The following NMNAT2 variants were observed in gnomAD, a reference collection of about 807,000 sequenced individuals.
NMNAT2 encodes nicotinamide nucleotide adenylyltransferase 2.
A neutral mutation model predicts 41.6 loss-of-function variants in NMNAT2; 11 were observed. The observed-to-expected ratio is 0.26, with a 90% CI of 0.17 to 0.44. The LOEUF is 0.44. Among genes scored for constraint, NMNAT2 ranks in the 20% least tolerant of loss-of-function variants. NMNAT2 has a pLI of 1.00. For synonymous variants in NMNAT2, 148 were observed against 151.2 expected, an observed-to-expected ratio of 0.98 and a Z score of 0.16; for missense variants, 288 against 407.7, an observed-to-expected ratio of 0.71 and a Z score of 2.53.
intron 1 of NMNAT2, among the ~76,000 whole-genome samples, chr1:183,324,011 G>C (rs1662409180): frequency 6.6e-6 from 1 of 152,198 alleles, no homozygotes; most frequent in African/African-American, 2.4e-5. Context: ...GGCCTGCTGG[G>C]GGATCACCAT....
intron 1 of NMNAT2, among the ~76,000 whole-genome samples, chr1:183,412,112 G>A (rs909722110): frequency 2.6e-5 from 4 of 152,266 alleles, no homozygotes; most frequent in African/African-American, 9.6e-5. Context: ...AGGCCATGAT[G>A]ATGACTTTGA....
intron 1 of NMNAT2, among the ~76,000 whole-genome samples, chr1:183,385,419 A>G (rs998938020): frequency 9.2e-5 from 14 of 152,300 alleles, no homozygotes; most frequent in Middle Eastern, 3.4e-3. Context: ...ATACACCTAA[A>G]TACACCTATG....
At chr1:183,383,283 G>A (rs989481950) in intron 1 of NMNAT2, among the ~76,000 whole-genome samples, 2 of 152,170 alleles carry the variant, frequency 1.3e-5, no homozygotes, top group African/African-American at 4.8e-5. Context: ...CCCAGCCCAC[G>A]AAACCATTCT....
intron 1 of NMNAT2, among the ~76,000 whole-genome samples, chr1:183,353,017 T>C (rs1314435300): frequency 6.6e-6 from 1 of 152,114 alleles, no homozygotes; most frequent in African/African-American, 2.4e-5. Context: ...ACATTCTCTT[T>C]TTTTTTTGAG....
In NMNAT2 at chr1:183,389,129, G is replaced by T. The variant is rs186803572; in HGVS notation, c.85+29054C>A. Among the ~76,000 whole-genome samples, 128 of 152,210 alleles carry T rather than the reference G, an allele frequency of 8.4e-4. No homozygotes were observed. In the South Asian group the frequency reaches 0.013, roughly 16 times the overall value. Reference sequence around the variant, plus strand: ...TATCTCTGTCCCCAGCCAGCTCCTCGCCTGCCAGCTGGCCATCCCTTCACC... The same window carrying T: ...TATCTCTGTCCCCAGCCAGCTCCTCTCCTGCCAGCTGGCCATCCCTTCACC... On this transcript the variant is annotated intron_variant, in intron 1 of 10. Coordinates refer to ENST00000287713, the MANE Select transcript of NMNAT2 (RefSeq NM_015039.4).
intron 10 of NMNAT2, among the ~76,000 whole-genome samples, chr1:183,258,885 A>G (rs758863801): frequency 1.3e-5 from 2 of 152,130 alleles, no homozygotes; most frequent in Non-Finnish European, 2.9e-5. Flanking sequence ...GGCTTCCCCA[A>G]CCCATGAAGT....
At chr1:183,357,719 C>T (rs748308002) in intron 1 of NMNAT2, among the ~76,000 whole-genome samples, 8 of 152,132 alleles carry the variant, frequency 5.3e-5, no homozygotes, top group African/African-American at 7.2e-5. Flanking sequence ...GATGATATCT[C>T]ATTGTGGTTT....
intron 1 of NMNAT2, among the ~76,000 whole-genome samples, chr1:183,363,532 G>A (rs1238335255): frequency 6.6e-6 from 1 of 151,718 alleles, no homozygotes; most frequent in Non-Finnish European, 1.5e-5. Context: ...AATTGGAAGA[G>A]GTCAGTGAGT....
intron 8 of NMNAT2, among the ~76,000 whole-genome samples, chr1:183,261,902 C>T (rs898239985): frequency 4.0e-5 from 6 of 149,226 alleles, no homozygotes; most frequent in African/African-American, 1.5e-4. Flanking sequence ...GATAGAAGCT[C>T]AGTGCCATGT....
intron 1 of NMNAT2, among the ~76,000 whole-genome samples, chr1:183,296,552 G>A (rs903966248): frequency 6.7e-6 from 1 of 150,330 alleles, no homozygotes; most frequent in Non-Finnish European, 1.5e-5. Context: ...TAGCTCTGTT[G>A]CCCAGGCTGG....
intron 10 of NMNAT2, among the ~76,000 whole-genome samples, chr1:183,253,283 T>A (rs1336445801): frequency 6.8e-6 from 1 of 148,028 alleles, no homozygotes; most frequent in Non-Finnish European, 1.5e-5. Flanking sequence ...ATATTATTTA[T>A]ATAATAGTGT....
At chr1:183,330,091 G>C (rs1309359391) in intron 1 of NMNAT2, among the ~76,000 whole-genome samples, 2 of 152,170 alleles carry the variant, frequency 1.3e-5, no homozygotes, top group African/African-American at 4.8e-5. Flanking sequence ...AGAGTGTCCA[G>C]GTTCAAATCC....
intron 1 of NMNAT2, among the ~76,000 whole-genome samples, chr1:183,384,199 C>CTTTTTTTTTTTTTTTTT (rs1663861575): frequency 2.6e-5 from 4 of 151,638 alleles, no homozygotes; most frequent in African/African-American, 7.3e-5. Context: ...GCGCTACACA[C>CTTTTTTTTTTTTTTTTT]TTTTATGTTT....
intron 1 of NMNAT2, among the ~76,000 whole-genome samples, chr1:183,369,541 TGCTGGGATTATGGTCATGA>T (rs1407991725): frequency 1.3e-5 from 2 of 152,188 alleles, no homozygotes; most frequent in Non-Finnish European, 1.5e-5. Flanking sequence ...CCTCCCAAAG[TGCTGGGATTATGGTCATGA>T]GCTACCGCAC....
chr1:183,265,860 T>C (rs181268891), intron 8 of NMNAT2, among the ~76,000 whole-genome samples: 7 of 152,358 alleles, frequency 4.6e-5, no homozygotes, highest in Admixed American at 3.9e-4. Flanking sequence ...GAGATTATCC[T>C]GGGTTATCTG....
At chr1:183,357,399 T>A (rs1322196870) in intron 1 of NMNAT2, among the ~76,000 whole-genome samples, 1 of 151,006 alleles carries the variant, frequency 6.6e-6, no homozygotes, top group Admixed American at 6.6e-5. Flanking sequence ...CCGGCTAATT[T>A]TTTGTATTTT....
chr1:183,367,965 G>C (rs977343697), intron 1 of NMNAT2, among the ~76,000 whole-genome samples: 1 of 152,066 alleles, frequency 6.6e-6, no homozygotes, highest in African/African-American at 2.4e-5. Flanking sequence ...AACTCAATAA[G>C]CAAAGAAATG....
intron 1 of NMNAT2, among the ~76,000 whole-genome samples, chr1:183,369,873 C>A (rs1663494021): frequency 6.6e-6 from 1 of 152,058 alleles, no homozygotes; most frequent in South Asian, 2.1e-4. Flanking sequence ...TGGCACTCTT[C>A]TTATTATCCC....
At chr1:183,285,145 G>C (rs1303981258) in intron 5 of NMNAT2, among the ~76,000 whole-genome samples, 1 of 152,156 alleles carries the variant, frequency 6.6e-6, no homozygotes, top group African/African-American at 2.4e-5. Context: ...CTGCCAACCT[G>C]TTGGCATGTC....
Sources: gnomAD v4.1 joint callset for allele counts (sites outside exome capture counted in the v4.1 genomes callset) on GRCh38, gnomAD v4.1.1 for gene constraint, MANE v1.5 for transcripts, NCBI Gene and HGNC (gene_info 2026-07-23, HGNC 2026-07-21) for gene names.